Variants in ZNF273 observed in about 807,000 individuals in gnomAD.
ZNF273 encodes the protein zinc finger protein 9.
Under a neutral mutation model 14.9 loss-of-function variants are expected in ZNF273, and 11 were observed. The ratio of observed to expected loss-of-function variants is 0.74; its 90% CI spans 0.46 to 1.22. The LOEUF (loss-of-function observed/expected upper bound fraction) is 1.22, where lower values mean the gene tolerates loss of function less well. Ranked by LOEUF, ZNF273 falls within the 50% of genes most tolerant of loss-of-function variation. ZNF273 has a pLI of 0.00. For missense variants in ZNF273, 577 were observed against 660.6 expected (o/e 0.87, Z 1.39); for synonymous variants, 199 against 223.9 (o/e 0.89, Z 0.99).
At chr7:64,884,961 C>T (rs1353234849) in intron 1 of ZNF273, among the ~76,000 whole-genome samples, 1 of 152,220 alleles carries the variant, frequency 6.6e-6, no homozygotes, top group African/African-American at 2.4e-5. Context: ...GGCTGACAGC[C>T]CTGACAGCCC....
chr7:64,917,517 T>TCAAA, intron 1 of ZNF273, 64 bp from the exon 2 acceptor site: 1 of 1,557,270 alleles, frequency 6.4e-7, no homozygotes, highest in Non-Finnish European at 8.7e-7. Flanking sequence ...CCACCTTGAG[T>TCAAA]CAAATTAAAT....
chr7:64,899,713 G>A (rs1239472492), upstream of ZNF273, among the ~76,000 whole-genome samples: 1 of 150,580 alleles, frequency 6.6e-6, no homozygotes, highest in Non-Finnish European at 1.5e-5. Context: ...TTGTAGTACA[G>A]TATAGCAGAA....
At chr7:64,889,137 C>G (rs192655952), downstream of ZNF273, 2,483 of 985,934 alleles carry the variant, frequency 2.5e-3, 45 homozygotes, top group African/African-American at 0.04. This position sits in a 1 kb window ranked among gnomAD's most constrained non-coding sequence, Gnocchi z 4.2. Context: ...GGCCTCGTTG[C>G]GGAGGGGACG....
rs773134653 is a variant in ZNF273 at position 64,928,216 on chromosome 7, CAA to C, written c.890_891del (p.Lys297SerfsTer3). 6 of 1,612,778 alleles carry C rather than the reference CAA, an allele frequency of 3.7e-6. No individual in the cohort carries two copies. The African/African-American group carries it at 6.7e-5, about 18-fold the overall frequency. ...AACCTTACAAATGTGAAGATTGTGG[CAA>C]AGTCTTTAGTGTATTTTCAGTCCTT... ...EKPYKCEDCG[K>X]VFSVFSVLTK... On this transcript the variant is annotated frameshift_variant, in exon 4 of 4. Transcript: ENST00000476120. LOFTEE classifies it low-confidence loss of function (END_TRUNC).
exon 2 of ZNF273, chr7:64,888,775 G>T: frequency 1.0e-6 from 1 of 985,840 alleles, no homozygotes; most frequent in African/African-American, 1.7e-5. Context: ...CGCTGCCACT[G>T]CCGACTCCAT....
intron 3 of ZNF273, chr7:64,924,566 G>T (rs915198304): frequency 6.6e-6 from 1 of 151,990 alleles, no homozygotes; most frequent in Non-Finnish European, 1.5e-5. Flanking sequence ...AGTTTCTCAT[G>T]AATCTATTAT....
intron 1 of ZNF273, among the ~76,000 whole-genome samples, chr7:64,886,649 A>G (rs894855030): frequency 5.3e-5 from 8 of 152,174 alleles, no homozygotes; most frequent in African/African-American, 1.9e-4. Context: ...GGTAATCCCC[A>G]ATCTCCATAG....
chr7:64,903,301 C>T lies in ZNF273; in HGVS notation c.-17C>T. ...TCTCGCTGCAGTCGCAGCTCCAGGT[C>T]TCGTCTTCACTGCTCTATGTCCTCT... On this transcript the variant is annotated 5_prime_UTR_variant, in exon 1 of 4. Transcript: ENST00000476120. 1 of 1,598,126 alleles carries T rather than the reference C, an allele frequency of 6.3e-7. No homozygotes were observed. Among genetic ancestry groups the T allele is most frequent in the East Asian group, 2.2e-5 (1 of 44,546 alleles).
Position 64,903,406 on chromosome 7 carries a change from G to A in ZNF273, c.89G>A (p.Gly30Glu), listed in dbSNP as rs749939483. 1.9e-6 allele frequency: 3 copies of A among 1,612,880 alleles called. No individual in the cohort carries two copies. Among genetic ancestry groups the A allele is most frequent in the Non-Finnish European group, 1.7e-6 (2 of 1,179,140 alleles). Residue 30 changes from glycine (G) to glutamate (E), a missense_variant, in exon 1 of 4, where the codon GGA (glycine) becomes GAA (glutamate). Coordinates refer to ENST00000476120, the MANE Select transcript of ZNF273 (RefSeq NM_021148.3). ...RSTAKTPGLP[G>E]SLEMGPLTFR... ...ACAGCTAAGACGCCAGGACTCCCTG[G>A]AAGCCTAGAAATGGTGAGAGTGCCG...
At position 64,895,304 on chromosome 7, in the gene ZNF273, A is replaced by G. The variant is rs1040198162; in HGVS notation, n.488+1407A>G. Among the ~76,000 whole-genome samples the G allele has an allele frequency of 1.7e-4, 26 of 152,190 alleles. 1 individual carries two copies. The highest frequency in any genetic ancestry group is 1.0e-4 in the Non-Finnish European group (7 of 68,028). Reference sequence around the variant, plus strand: ...AAATTTTTAGTTTAACCTAATATTGATTGATGATGAGTAAACAAATTGATT... The same window carrying G: ...AAATTTTTAGTTTAACCTAATATTGGTTGATGATGAGTAAACAAATTGATT... On this transcript the variant is annotated intron_variant and non_coding_transcript_variant, in intron 3 of 7. Coordinates refer to the ZNF273 transcript ENST00000527278.
At chr7:64,898,935 G>T (rs1255178617), upstream of ZNF273, among the ~76,000 whole-genome samples, 3 of 151,306 alleles carry the variant, frequency 2.0e-5, no homozygotes, top group Non-Finnish European at 2.9e-5. Flanking sequence ...ACAATTATTT[G>T]CTTTGCTGAA....
intron 2 of ZNF273, among the ~76,000 whole-genome samples, chr7:64,879,248 G>C (rs759756569): frequency 6.6e-6 from 1 of 152,192 alleles, no homozygotes; most frequent in Non-Finnish European, 1.5e-5. Context: ...CTGCAGGCCA[G>C]ATTGTGGGTA....
downstream of ZNF273, among the ~76,000 whole-genome samples, chr7:64,932,537 T>C (rs1795013164): frequency 6.6e-6 from 1 of 152,002 alleles, no homozygotes; most frequent in African/African-American, 2.4e-5. Flanking sequence ...CTCCTGACCT[T>C]AGGTGATCCG....
intron 3 of ZNF273, among the ~76,000 whole-genome samples, chr7:64,919,676 T>A (rs1444945943): frequency 6.6e-6 from 1 of 152,212 alleles, no homozygotes; most frequent in Non-Finnish European, 1.5e-5. Flanking sequence ...CAGAAATTTA[T>A]GATTTAATGC....
At chr7:64,923,306 TTTA>T (rs1334422728) in intron 3 of ZNF273, 4 of 453,454 alleles carry the variant, frequency 8.8e-6, no homozygotes, top group African/African-American at 2.0e-5. Flanking sequence ...ACAGTCCAGT[TTTA>T]TTGTTGTTGT....
At chr7:64,889,109 G>A (rs1791795989), downstream of ZNF273, 1 of 985,988 alleles carries the variant, frequency 1.0e-6, no homozygotes, top group African/African-American at 1.7e-5. This position sits in a 1 kb window ranked among gnomAD's most constrained non-coding sequence, Gnocchi z 4.2. Flanking sequence ...CGGGCTCCGG[G>A]AGCCAAGCAG....
intron 1 of ZNF273, among the ~76,000 whole-genome samples, chr7:64,885,893 C>T (rs1426926502): frequency 3.9e-5 from 6 of 152,198 alleles, no homozygotes; most frequent in Admixed American, 6.5e-5. Context: ...CTTCCTAGAC[C>T]AGCATGGTTT....
intron 3 of ZNF273, among the ~76,000 whole-genome samples, chr7:64,922,592 G>A (rs1562963575): frequency 1.3e-5 from 2 of 152,032 alleles, no homozygotes. Flanking sequence ...GATTACAGGT[G>A]TGAGCCACTG....
chr7:64,891,108 C>A (rs1238231641), downstream of ZNF273, among the ~76,000 whole-genome samples: 2 of 152,184 alleles, frequency 1.3e-5, no homozygotes, highest in African/African-American at 4.8e-5. Context: ...TGCAGCCAGG[C>A]CTGGGCAGGA....
Sources: gnomAD v4.1 joint callset for allele counts (sites outside exome capture counted in the v4.1 genomes callset) on GRCh38, gnomAD v4.1.1 for gene constraint, Gnocchi (gnomAD v3.1) non-coding constraint, MANE v1.5 for transcripts, NCBI Gene and HGNC (gene_info 2026-07-23, HGNC 2026-07-21) for gene names.